METAP1D: variants seen among roughly 807,000 people sequenced by gnomAD.
The protein encoded by METAP1D is methionyl aminopeptidase type 1D, mitochondrial, also known as methionine aminopeptidase 1D, mitochondrial.
Under a neutral mutation model 40.5 loss-of-function variants are expected in METAP1D, and 31 were observed. The ratio of observed to expected loss-of-function variants is 0.77; its 90% CI spans 0.58 to 1.03. The LOEUF (loss-of-function observed/expected upper bound fraction) is 1.03. METAP1D is among the 50% of genes least tolerant of loss of function. The pLI, the probability that METAP1D is intolerant of heterozygous loss-of-function variation, is 0.00. For missense variants in METAP1D, 411 were observed against 420.7 expected (o/e 0.98, Z 0.20); for synonymous variants, 151 against 146.4 (o/e 1.03, Z -0.22).
At chr2:172,080,293 C>G (rs369274713) in intron 9 of METAP1D, 35 bp from the exon 10 acceptor site, 38 of 1,613,922 alleles carry the variant, frequency 2.4e-5, no homozygotes, top group African/African-American at 4.0e-5. Flanking sequence ...CCGGAGCTTG[C>G]GTGCGCGTTC....
rs1024423219 is a variant in METAP1D, at chr2:172,082,329, C to T, written c.*1923C>T. 2 of 152,250 alleles carry T rather than the reference C, an allele frequency of 1.3e-5. No homozygotes were observed. The allele number at this position is 152,250 out of a possible 1,614,324, so 9.4% of individuals were successfully genotyped here. On this transcript the variant is annotated 3_prime_UTR_variant, in exon 10 of 10. Coordinates refer to ENST00000315796, the MANE Select transcript of METAP1D (RefSeq NM_199227.3). ...GTTTTATTAGGACCACAGGACTTTA[C>T]TAACCACTGAGGTAACACGCTGCTT... is the stretch of plus-strand genomic sequence containing the variant.
intron 1 of METAP1D, among the ~76,000 whole-genome samples, chr2:172,013,482 C>T (rs1035344753): frequency 7.9e-5 from 12 of 151,980 alleles, no homozygotes; most frequent in South Asian, 2.1e-4. Flanking sequence ...AAAGTGAGAG[C>T]GAAGTAGTGT....
chr2:172,020,416 A>C (rs1400392431), intron 1 of METAP1D, among the ~76,000 whole-genome samples: 1 of 152,248 alleles, frequency 6.6e-6, no homozygotes, highest in African/African-American at 2.4e-5. Context: ...ACAACAACAA[A>C]AAAAGCAGGG....
intron 1 of METAP1D, among the ~76,000 whole-genome samples, chr2:172,046,248 C>G (rs1173936086): frequency 1.3e-5 from 2 of 151,666 alleles, no homozygotes; most frequent in South Asian, 4.2e-4. Flanking sequence ...AATAGATTCT[C>G]TAGTTTTAGT....
At position 172,065,505 on chromosome 2, in the gene METAP1D, A is replaced by G. The variant is rs187921566; in HGVS notation, c.349-99A>G. The G allele has an allele frequency of 1.1e-3, 1,250 of 1,155,204 alleles. 3 individuals are homozygous for G. The highest frequency in any genetic ancestry group is 1.4e-3 in the Non-Finnish European group (1,099 of 806,078). 71.6% of individuals were successfully genotyped at this position (1,155,204 alleles called of 1,614,324 possible). Reference sequence around the variant, plus strand: ...ACCATAACTTTATCATAGTAAATTTATACAGTCTCACATGGAAGTACTGTT... The same window carrying G: ...ACCATAACTTTATCATAGTAAATTTGTACAGTCTCACATGGAAGTACTGTT... On this transcript the variant is annotated intron_variant, in intron 3 of 9. Transcript: ENST00000315796.
chr2:172,025,942 C>T (rs767189587), intron 1 of METAP1D, among the ~76,000 whole-genome samples: 1 of 152,106 alleles, frequency 6.6e-6, no homozygotes, highest in Non-Finnish European at 1.5e-5. Flanking sequence ...GTAGGCATCT[C>T]TAAAATATTA....
At chr2:172,064,637 GATTTAGTTCTTTC>G (rs1285571882) in intron 3 of METAP1D, among the ~76,000 whole-genome samples, 2 of 145,384 alleles carry the variant, frequency 1.4e-5, no homozygotes, top group Non-Finnish European at 3.0e-5. Flanking sequence ...AAAAAAAAAA[GATTTAGTTCTTTC>G]ATTTAGTTCT....
intron 1 of METAP1D, among the ~76,000 whole-genome samples, chr2:172,058,238 C>T (rs1350905283): frequency 6.6e-6 from 1 of 152,182 alleles, no homozygotes; most frequent in Non-Finnish European, 1.5e-5. Context: ...GCTGGGATTA[C>T]AGGTTTTTAT....
intron 1 of METAP1D, among the ~76,000 whole-genome samples, chr2:172,044,770 G>T (rs1689699185): frequency 7.5e-6 from 1 of 133,922 alleles, no homozygotes; most frequent in South Asian, 2.4e-4. Flanking sequence ...GCTGGTCGTG[G>T]TGGCACATGC....
At chr2:172,047,722 A>G (rs1689794127) in intron 1 of METAP1D, among the ~76,000 whole-genome samples, 1 of 152,250 alleles carries the variant, frequency 6.6e-6, no homozygotes, top group African/African-American at 2.4e-5. Context: ...GGCGTGAGCC[A>G]CTGCGCTCAG....
chr2:172,049,159 A>AT (rs1689829721), intron 1 of METAP1D, among the ~76,000 whole-genome samples: 1 of 151,900 alleles, frequency 6.6e-6, no homozygotes, highest in South Asian at 2.1e-4. Flanking sequence ...TAATGTTTGT[A>AT]TTTTTTGTAG....
chr2:172,040,815 C>T lies in METAP1D; in HGVS notation c.41-20683C>T, dbSNP rs991060651. Among the ~76,000 whole-genome samples, 6 of 145,282 alleles carry T rather than the reference C, an allele frequency of 4.1e-5. No individual in the cohort carries two copies. In the East Asian group the frequency reaches 9.3e-4, roughly 23 times the overall value. The stretch of plus-strand genomic sequence containing the variant: ...AGGTTAGAGTGCAGTGGCACAACCT[C>T]GGCTCACTGCAGCCTCTGCCTCCCG... On this transcript the variant is annotated intron_variant, in intron 1 of 9. Coordinates refer to ENST00000315796, the MANE Select transcript of METAP1D (RefSeq NM_199227.3).
intron 1 of METAP1D, among the ~76,000 whole-genome samples, chr2:172,000,662 A>G (rs1688439470): frequency 6.6e-6 from 1 of 151,228 alleles, no homozygotes; most frequent in Non-Finnish European, 1.5e-5. Context: ...AAACTATCAT[A>G]TTTTGAGGAG....
intron 1 of METAP1D, among the ~76,000 whole-genome samples, chr2:172,015,467 T>A (rs1167938097): frequency 6.6e-6 from 1 of 152,182 alleles, no homozygotes; most frequent in East Asian, 1.9e-4. Context: ...CAAGAATGTT[T>A]ATTACAGTGT....
chr2:172,049,218 C>G (rs1353960263), intron 1 of METAP1D, among the ~76,000 whole-genome samples: 2 of 152,110 alleles, frequency 1.3e-5, no homozygotes, highest in Non-Finnish European at 2.9e-5. Context: ...TTCCTGGACT[C>G]AAGCGATTCA....
At chr2:172,019,114 G>T (rs1574095517) in intron 1 of METAP1D, among the ~76,000 whole-genome samples, 1 of 152,208 alleles carries the variant, frequency 6.6e-6, no homozygotes, top group African/African-American at 2.4e-5. Flanking sequence ...CACTCTGGGA[G>T]GCTGAGGTGG....
intron 1 of METAP1D, among the ~76,000 whole-genome samples, chr2:172,004,681 T>C (rs1478565240): frequency 1.3e-5 from 2 of 152,168 alleles, no homozygotes; most frequent in African/African-American, 2.4e-5. Context: ...ATTTGGAAAA[T>C]GCTAACATTC....
At chr2:172,062,739 A>G (rs1690167540) in intron 2 of METAP1D, among the ~76,000 whole-genome samples, 1 of 152,124 alleles carries the variant, frequency 6.6e-6, no homozygotes, top group South Asian at 2.1e-4. Flanking sequence ...CAGAAAACCC[A>G]TCTGAACAGG....
At chr2:172,071,611 T>C (rs1690422566) in intron 6 of METAP1D, among the ~76,000 whole-genome samples, 1 of 152,194 alleles carries the variant, frequency 6.6e-6, no homozygotes, top group African/African-American at 2.4e-5. Flanking sequence ...TAAACCGTTG[T>C]TTATTTTTCA....
Sources: allele counts gnomAD v4.1 joint callset (sites outside exome capture counted in the v4.1 genomes callset), GRCh38; gene constraint gnomAD v4.1.1; transcripts MANE v1.5; gene names NCBI Gene and HGNC (gene_info 2026-07-23, HGNC 2026-07-21).